Variants in CCDC7 observed in about 807,000 individuals in gnomAD.
CCDC7 encodes the protein coiled-coil domain containing 7.
A neutral mutation model predicts 196.9 loss-of-function variants in CCDC7; 183 were observed. The observed-to-expected ratio is 0.93, with a 90% CI of 0.82 to 1.05. CCDC7 has a LOEUF of 1.05. Among genes scored for constraint, CCDC7 ranks in the 50% least tolerant of loss-of-function variants. The pLI, the probability that CCDC7 is intolerant of heterozygous loss-of-function variation, is 0.00. For synonymous variants in CCDC7, 525 were observed against 484.6 expected, an observed-to-expected ratio of 1.08 and a Z score of -1.10; for missense variants, 1,540 against 1,482.2, an observed-to-expected ratio of 1.04 and a Z score of -0.64.
At chr10:32,777,821 G>GC (rs1175189878) in intron 28 of CCDC7, among the ~76,000 whole-genome samples, 1 of 152,172 alleles carries the variant, frequency 6.6e-6, no homozygotes, top group African/African-American at 2.4e-5. Context: ...CCAAGATCGT[G>GC]CCACTGCACT....
intron 9 of CCDC7, among the ~76,000 whole-genome samples, chr10:32,510,260 A>C (rs748258502): frequency 2.6e-5 from 4 of 152,224 alleles, no homozygotes; most frequent in Non-Finnish European, 2.9e-5. Context: ...GAAAGAATCC[A>C]GGCACAGAAA....
exon 1 of CCDC7, chr10:32,451,833 G>T (rs368403420): frequency 4.3e-6 from 7 of 1,613,960 alleles, no homozygotes; most frequent in Non-Finnish European, 5.9e-6. Flanking sequence ...TCCATTTTAC[G>T]GTATGCTTTG....
chr10:32,880,490 G>A (rs1193719577), downstream of CCDC7, among the ~76,000 whole-genome samples: 1 of 152,104 alleles, frequency 6.6e-6, no homozygotes, highest in South Asian at 2.1e-4. Context: ...CCATTCTGTA[G>A]GTTGTCCGTT....
intron 32 of CCDC7, among the ~76,000 whole-genome samples, chr10:32,830,142 C>T (rs1371483985): frequency 2.5e-4 from 5 of 20,080 alleles, no homozygotes; most frequent in East Asian, 1.7e-3. Flanking sequence ...ATATATATAT[C>T]CTATTAGTTC....
At chr10:32,454,373 A>G (rs763413988) in intron 2 of CCDC7, among the ~76,000 whole-genome samples, 15 of 152,196 alleles carry the variant, frequency 9.9e-5, no homozygotes, top group Non-Finnish European at 2.1e-4. Flanking sequence ...TCAAAGAACC[A>G]AAACTAAAAT....
At chr10:32,506,590 G>A (rs2045180465) in intron 9 of CCDC7, among the ~76,000 whole-genome samples, 1 of 152,216 alleles carries the variant, frequency 6.6e-6, no homozygotes, top group Non-Finnish European at 1.5e-5. Flanking sequence ...GTGAGACTCC[G>A]TCTGCAATCC....
intron 41 of CCDC7, among the ~76,000 whole-genome samples, chr10:32,874,201 A>G (rs2094525211): frequency 6.7e-6 from 1 of 149,062 alleles, no homozygotes; most frequent in Non-Finnish European, 1.5e-5. Context: ...ATATTAACAT[A>G]AATGTGTATA....
chr10:32,709,552 TC>T (rs1238729333), intron 24 of CCDC7, among the ~76,000 whole-genome samples: 1 of 152,160 alleles, frequency 6.6e-6, no homozygotes. Context: ...GGGTTTGTGT[TC>T]CTATGGAAAT....
intron 2 of CCDC7, among the ~76,000 whole-genome samples, chr10:32,453,703 T>C (rs936927019): frequency 6.6e-6 from 1 of 152,120 alleles, no homozygotes; most frequent in African/African-American, 2.4e-5. Flanking sequence ...ATAATCACAT[T>C]TTAGTAAAGA....
At chr10:32,700,720 T>A (rs191675280) in intron 24 of CCDC7, among the ~76,000 whole-genome samples, 5 of 152,334 alleles carry the variant, frequency 3.3e-5, no homozygotes, top group Non-Finnish European at 2.9e-5. Flanking sequence ...TTATGTCCTC[T>A]TTTATTTCAT....
intron 28 of CCDC7, among the ~76,000 whole-genome samples, chr10:32,735,245 A>G (rs1409092334): frequency 6.6e-6 from 1 of 152,256 alleles, no homozygotes; most frequent in Non-Finnish European, 1.5e-5. Flanking sequence ...TGTATCATAT[A>G]GTAATACTAT....
intron 40 of CCDC7, among the ~76,000 whole-genome samples, chr10:32,853,786 T>G (rs2093651408): frequency 6.6e-6 from 1 of 152,162 alleles, no homozygotes; most frequent in Non-Finnish European, 1.5e-5. Context: ...TATCTAAAAA[T>G]TTGCATTTTA....
chr10:32,669,849 T>C (rs2073699445), intron 21 of CCDC7, among the ~76,000 whole-genome samples: 1 of 152,194 alleles, frequency 6.6e-6, no homozygotes, highest in African/African-American at 2.4e-5. Flanking sequence ...TAACTCATCA[T>C]TTTAAATATT....
rs565469065 is a variant in CCDC7 at position 32,509,095 on chromosome 10, C to T, written c.873-8850C>T. Among the ~76,000 whole-genome samples the T allele has an allele frequency of 3.3e-5, 5 of 152,240 alleles. No homozygotes were observed. In the South Asian group the frequency reaches 1.0e-3, roughly 32 times the overall value. ...AGATGATCCACCTGCCTCAACCTCCCAAAGTGTTGGGATTACAGGCCTGAG... is the reference window on the plus strand; with the variant it reads ...AGATGATCCACCTGCCTCAACCTCCTAAAGTGTTGGGATTACAGGCCTGAG... On this transcript the variant is annotated intron_variant, in intron 9 of 41. Coordinates refer to ENST00000639629, the Ensembl canonical transcript of CCDC7.
At chr10:32,561,626 G>C (rs2055655511) in intron 13 of CCDC7, among the ~76,000 whole-genome samples, 2 of 152,164 alleles carry the variant, frequency 1.3e-5, no homozygotes, top group African/African-American at 2.4e-5. Context: ...CAACATACCA[G>C]AATCTCTGGG....
upstream of CCDC7, among the ~76,000 whole-genome samples, chr10:32,444,845 TTCA>T (rs2030594985): frequency 6.9e-6 from 1 of 143,908 alleles, no homozygotes; most frequent in Non-Finnish European, 1.5e-5. Flanking sequence ...AGCATATGCC[TTCA>T]TGTTTTTTTT....
At chr10:32,726,054 A>G (rs1013308339) in intron 25 of CCDC7, among the ~76,000 whole-genome samples, 1 of 152,066 alleles carries the variant, frequency 6.6e-6, no homozygotes, top group Non-Finnish European at 1.5e-5. Context: ...ATAACAAACT[A>G]CAGTGTTTTC....
intron 9 of CCDC7, among the ~76,000 whole-genome samples, chr10:32,498,610 TGTAAA>T (rs946588846): frequency 6.6e-6 from 1 of 152,208 alleles, no homozygotes; most frequent in African/African-American, 2.4e-5. Flanking sequence ...TTTGCTTGTC[TGTAAA>T]GTATTTTATT....
At chr10:32,672,684 A>T (rs1342638321) in intron 21 of CCDC7, among the ~76,000 whole-genome samples, 1 of 152,172 alleles carries the variant, frequency 6.6e-6, no homozygotes, top group Non-Finnish European at 1.5e-5. Context: ...TGGTGGTTCC[A>T]GCAGCATGGC....
Sources: gnomAD v4.1 joint callset for allele counts (sites outside exome capture counted in the v4.1 genomes callset) on GRCh38, gnomAD v4.1.1 for gene constraint, MANE v1.5 for transcripts, NCBI Gene and HGNC (gene_info 2026-07-23, HGNC 2026-07-21) for gene names.